AK5: variants seen among roughly 807,000 people sequenced by gnomAD.
AK5 encodes the protein adenylate kinase isoenzyme 5.
In AK5, 27 loss-of-function variants were observed where a neutral mutation model predicts 69.5. That is an observed-to-expected ratio of 0.39 (90% CI 0.29 to 0.54). AK5 has a LOEUF of 0.54. AK5 is among the 20% of genes least tolerant of loss of function. The pLI is 0.71. For synonymous variants in AK5, 260 were observed against 244.4 expected, an observed-to-expected ratio of 1.06 and a Z score of -0.60; for missense variants, 531 against 700.4, an observed-to-expected ratio of 0.76 and a Z score of 2.73.
At chr1:77,556,335 A>G (rs527405700) in intron 13 of AK5, among the ~76,000 whole-genome samples, 4 of 152,326 alleles carry the variant, frequency 2.6e-5, no homozygotes, top group Admixed American at 6.5e-5. Flanking sequence ...TTTATTGCCT[A>G]TGTATGGATC....
intron 6 of AK5, among the ~76,000 whole-genome samples, chr1:77,341,633 T>G (rs1333195883): frequency 2.6e-5 from 4 of 152,262 alleles, no homozygotes; most frequent in Non-Finnish European, 5.9e-5. Context: ...AGGATGCCCT[T>G]AGACCTGAAA....
intron 5 of AK5, among the ~76,000 whole-genome samples, chr1:77,322,565 C>CA (rs949031103): frequency 6.6e-5 from 10 of 152,112 alleles, no homozygotes; most frequent in African/African-American, 1.9e-4. Context: ...AAAACAAAGA[C>CA]AAAAAAACTT....
In AK5 at chr1:77,308,455, AAAAT is replaced by A. The variant is rs201197614; in HGVS notation, c.699+10509_699+10512del. Among the ~76,000 whole-genome samples the A allele has an allele frequency of 2.6e-3, 350 of 136,294 alleles. 9 individuals carry two copies. The highest frequency in any genetic ancestry group is 3.3e-3 in the Non-Finnish European group (208 of 63,522). 89.4% of individuals were successfully genotyped at this position (136,294 alleles called of 152,430 possible). ...CTGTCTCAAAAAAAAAAAAAAAAAA[AAAAT>A]CTTTTTCTCATCTTTTGGCCTGATT... On this transcript the variant is annotated intron_variant, in intron 5 of 13. Transcript: ENST00000354567.
chr1:77,315,480 C>T (rs1174102965), intron 5 of AK5, among the ~76,000 whole-genome samples: 1 of 152,030 alleles, frequency 6.6e-6, no homozygotes, highest in Admixed American at 6.6e-5. Flanking sequence ...ATCTCACTAA[C>T]ATTTTAAGCA....
At position 77,488,079 on chromosome 1, in the gene AK5, G is replaced by A. The variant is rs920575652; in HGVS notation, c.1147+1727G>A. Among the ~76,000 whole-genome samples the A allele has an allele frequency of 3.3e-5, 5 of 152,200 alleles. No homozygotes were observed. The South Asian group carries it at 1.0e-3, about 32-fold the overall frequency. On this transcript the variant is annotated intron_variant, in intron 10 of 13. Coordinates refer to ENST00000354567, the MANE Select transcript of AK5 (RefSeq NM_174858.3). ...AAGCAGAGAGATAAAAGGAGAGATG[G>A]GCCCAGTGAAGGGATGAATGGGAGG...
intron 6 of AK5, among the ~76,000 whole-genome samples, chr1:77,345,233 G>A (rs1355333448): frequency 6.6e-6 from 1 of 152,116 alleles, no homozygotes; most frequent in Non-Finnish European, 1.5e-5. Flanking sequence ...CTTTTTGTAG[G>A]AGTATAACTT....
chr1:77,312,577 C>G (rs1660020321), intron 5 of AK5, among the ~76,000 whole-genome samples: 1 of 150,140 alleles, frequency 6.7e-6, no homozygotes, highest in Non-Finnish European at 1.5e-5. Context: ...ATTGCATCAC[C>G]ACACTCCAGC....
chr1:77,557,294 CAA>C (rs1452611896), intron 13 of AK5: 1 of 209,504 alleles, frequency 4.8e-6, no homozygotes, highest in Non-Finnish European at 1.0e-5. Flanking sequence ...TTGTCAAGGT[CAA>C]GAGTTGGGCA....
At chr1:77,431,575 C>T (rs375217832) in intron 8 of AK5, among the ~76,000 whole-genome samples, 3 of 152,126 alleles carry the variant, frequency 2.0e-5, no homozygotes, top group Non-Finnish European at 4.4e-5. Flanking sequence ...TAGGAGCCAA[C>T]GCCCAAAAGC....
chr1:77,474,879 A>G (rs1654748906), intron 8 of AK5, among the ~76,000 whole-genome samples: 1 of 152,042 alleles, frequency 6.6e-6, no homozygotes. Context: ...ATCACAGCTC[A>G]CTGCAGCCTC....
chr1:77,330,936 T>G (rs1263780792), intron 5 of AK5, among the ~76,000 whole-genome samples: 1 of 152,186 alleles, frequency 6.6e-6, no homozygotes, highest in Non-Finnish European at 1.5e-5. Flanking sequence ...TCCCCCTAGG[T>G]AATTAAATGA....
At chr1:77,358,018 T>TGTGTGTGTGTGTGTGTGTGAGAGAGA (rs762714026) in intron 6 of AK5, among the ~76,000 whole-genome samples, 6 of 128,266 alleles carry the variant, frequency 4.7e-5, no homozygotes, top group South Asian at 2.9e-4. Flanking sequence ...TGTGTGTGTG[T>TGTGTGTGTGTGTGTGTGTGAGAGAGA]GAGAGAGAGA....
chr1:77,524,854 A>G (rs1377309195), intron 12 of AK5, among the ~76,000 whole-genome samples: 2 of 152,080 alleles, frequency 1.3e-5, no homozygotes, highest in African/African-American at 4.8e-5. Context: ...TTCTTCTAAA[A>G]GCTTTGTAGT....
intron 8 of AK5, among the ~76,000 whole-genome samples, chr1:77,472,475 G>T (rs1217293779): frequency 6.6e-6 from 1 of 152,016 alleles, no homozygotes; most frequent in Non-Finnish European, 1.5e-5. Context: ...CATCCTCTTG[G>T]CCCTGATTTG....
At chr1:77,508,030 A>G (rs1190987844) in intron 10 of AK5, among the ~76,000 whole-genome samples, 1 of 152,320 alleles carries the variant, frequency 6.6e-6, no homozygotes, top group South Asian at 2.1e-4. Context: ...TTGCATGCCA[A>G]CGTAACGCTC....
chr1:77,417,863 C>T (rs1650535117), intron 8 of AK5, 148 bp downstream of exon 8: 3 of 536,566 alleles, frequency 5.6e-6, no homozygotes, highest in African/African-American at 1.9e-5. Context: ...TTACAGTAGT[C>T]TACAGTTTTC....
intron 10 of AK5, among the ~76,000 whole-genome samples, chr1:77,512,315 G>T (rs1005689821): frequency 4.6e-5 from 7 of 152,154 alleles, no homozygotes; most frequent in African/African-American, 1.7e-4. Context: ...CAAGTGGCCT[G>T]GAAGTCTGGA....
chr1:77,307,113 C>T (rs1287543944), intron 5 of AK5, among the ~76,000 whole-genome samples: 1 of 151,546 alleles, frequency 6.6e-6, no homozygotes, highest in Non-Finnish European at 1.5e-5. Flanking sequence ...CTGCTCTGAT[C>T]TTTATTTCTT....
rs756402287 is a variant in AK5 at position 77,305,486 on chromosome 1, T to G, written c.699+7539T>G. ...AGTTTGAGGTCTTGGATTTAAGTCT[T>G]TAATCCATTTTTATTTTATTTTTGT... On this transcript the variant is annotated intron_variant, in intron 5 of 13. Transcript: ENST00000354567. Among the ~76,000 whole-genome samples, 30 of 152,328 alleles carry G rather than the reference T, an allele frequency of 2.0e-4. No individual in the cohort carries two copies. The Middle Eastern group carries it at 0.01, about 52-fold the overall frequency.
Sources: allele counts gnomAD v4.1 joint callset (sites outside exome capture counted in the v4.1 genomes callset), GRCh38; gene constraint gnomAD v4.1.1; transcripts MANE v1.5; gene names NCBI Gene and HGNC (gene_info 2026-07-23, HGNC 2026-07-21).